UBOX5: variants seen among roughly 807,000 people sequenced by gnomAD.
The protein encoded by UBOX5 is RING finger protein 37.
A neutral mutation model predicts 39.0 loss-of-function variants in UBOX5; 28 were observed. The observed-to-expected ratio is 0.72, with a 90% CI of 0.53 to 0.98. UBOX5 has a LOEUF of 0.98. Ranked by LOEUF, UBOX5 falls within the 50% of genes least tolerant of loss-of-function variation. UBOX5 has a pLI of 0.00. For missense variants in UBOX5, 585 were observed against 674.4 expected (o/e 0.87, Z 1.47); for synonymous variants, 283 against 275.5 (o/e 1.03, Z -0.27).
intron 4 of UBOX5, among the ~76,000 whole-genome samples, chr20:3,113,100 G>A (rs925760565): frequency 1.4e-5 from 2 of 142,138 alleles, no homozygotes; most frequent in African/African-American, 2.7e-5. Context: ...ATGGCGAAAC[G>A]CTGTCTCTAC....
rs199738811 is a variant in UBOX5 at position 3,122,310 on chromosome 20, G to A, written c.329C>T (p.Pro110Leu). The change falls in exon 3 of 5, where the codon CCA (proline) becomes CTA (leucine). Residue 110 changes from proline to leucine, a missense_variant. Physicochemically the swap from Pro to Leu is moderately conservative, Grantham distance 98. Coordinates refer to ENST00000217173, the MANE Select transcript of UBOX5 (RefSeq NM_014948.4). ...RTLGPAEPSV[P>L]DKEAFTLVGK... is the part of the protein sequence containing the mutation. ...TACCAAGGTGAACGCCTCCTTGTCT[G>A]GGACAGATGGCTCAGCTGGGCCCAG... 46 of 1,614,202 alleles carry A rather than the reference G, an allele frequency of 2.8e-5. No homozygotes were observed. The highest frequency in any genetic ancestry group is 3.7e-5 in the Non-Finnish European group (44 of 1,180,042).
Position 3,149,043 on chromosome 20 carries a change from G to A in UBOX5, c.-42+10723C>T. ...CTGCAAAATGCTCGGTATCTTACAA[G>A]TTTTAATGACTTGAGAGTAGCTGCC... On this transcript the variant is annotated intron_variant, in intron 1 of 4. Transcript: ENST00000217173. This position sits in a 1 kb window ranked among gnomAD's most constrained non-coding sequence, Gnocchi z 4.1. 1 of 1,613,182 alleles carries A rather than the reference G, an allele frequency of 6.2e-7. No homozygotes were observed. Among genetic ancestry groups the A allele is most frequent in the Non-Finnish European group, 8.5e-7 (1 of 1,179,466 alleles).
rs773870668 is a variant in UBOX5 at position 3,122,186 on chromosome 20, G to A, written c.453C>T (p.Ser151=). The change falls in exon 3 of 5, where the codon TCC becomes TCT. Residue 151 remains serine, a synonymous_variant. Coordinates refer to ENST00000217173, the MANE Select transcript of UBOX5 (RefSeq NM_014948.4). ...PFGAMEATLP[S]PAVVAQELWN... ...AGAGCTCCTGGGCCACAACAGCAGGGGAGGGGAGTGTGGCTTCCATCGCGC... is the reference window on the plus strand; with the variant it reads ...AGAGCTCCTGGGCCACAACAGCAGGAGAGGGGAGTGTGGCTTCCATCGCGC... 2.5e-6 allele frequency: 4 copies of A among 1,614,128 alleles called. No homozygotes were observed. Among genetic ancestry groups the A allele is most frequent in the Admixed American group, 3.3e-5 (2 of 60,012 alleles).
At chr20:3,120,834 C>T (rs2066329612) in intron 3 of UBOX5, among the ~76,000 whole-genome samples, 1 of 152,142 alleles carries the variant, frequency 6.6e-6, no homozygotes, top group Non-Finnish European at 1.5e-5. Context: ...AGACCTAGTC[C>T]TTTTTCCTTT....
intron 1 of UBOX5, chr20:3,147,403 CT>C (rs1332480110): frequency 1.2e-6 from 2 of 1,614,210 alleles, no homozygotes; most frequent in Non-Finnish European, 1.7e-6. Context: ...AGAATTCAGG[CT>C]TTGAATTCAT....
At chr20:3,133,560 A>G (rs1006992270) in intron 1 of UBOX5, among the ~76,000 whole-genome samples, 1 of 145,054 alleles carries the variant, frequency 6.9e-6, no homozygotes, top group African/African-American at 2.6e-5. Context: ...AGTTTATAAG[A>G]AAAAAAAAAG....
Position 3,115,366 on chromosome 20 carries a change from T to C in UBOX5, c.1356A>G (p.Gly452=), listed in dbSNP as rs780523433. The part of the protein sequence containing the change: ...MPSFTARLTR[G]QLQHLGTRGS... ...CTCTTGTGCCAAGGTGCTGGAGCTG[T>C]CCCCTGGTCAGCCGTGCCGTGAAGG... The change falls in exon 4 of 5, where the codon GGA becomes GGG. Residue 452 remains glycine (G), a synonymous_variant. Coordinates refer to ENST00000217173, the MANE Select transcript of UBOX5 (RefSeq NM_014948.4). 4 of 1,614,104 alleles carry C rather than the reference T, an allele frequency of 2.5e-6. No homozygotes were observed. In the East Asian group the frequency reaches 8.9e-5, roughly 36 times the overall value.
chr20:3,115,867 G>T (rs1280630115), intron 3 of UBOX5, among the ~76,000 whole-genome samples: 2 of 149,874 alleles, frequency 1.3e-5, no homozygotes, highest in Non-Finnish European at 3.0e-5. Flanking sequence ...GGATTCAAGC[G>T]ATTCTCCTGT....
chr20:3,149,067 C>T lies in UBOX5; in HGVS notation c.-42+10699G>A, dbSNP rs115821648. 6.2e-7 allele frequency: 1 copy of T among 1,608,068 alleles called. No individual in the cohort carries two copies. The highest frequency in any genetic ancestry group is 8.5e-7 in the Non-Finnish European group (1 of 1,176,638). ...AGTTTTAATGACTTGAGAGTAGCTG[C>T]CATTCTGGTGTCAGTATTGATCTCT... On this transcript the variant is annotated intron_variant, in intron 1 of 4. Coordinates refer to ENST00000217173, the MANE Select transcript of UBOX5 (RefSeq NM_014948.4). This position sits in a 1 kb window ranked among gnomAD's most constrained non-coding sequence, Gnocchi z 4.1.
In UBOX5 at chr20:3,148,583, A is replaced by G. The variant is rs151099487; in HGVS notation, c.-42+11183T>C. ...GCTCAGCTTACACAAATAATCAACAATGACTTGAGCCTGGAGATTATTTTG... is the reference window on the plus strand; with the variant it reads ...GCTCAGCTTACACAAATAATCAACAGTGACTTGAGCCTGGAGATTATTTTG... On this transcript the variant is annotated intron_variant, in intron 1 of 4. Transcript: ENST00000217173. The G allele has an allele frequency of 1.3e-5, 21 of 1,613,998 alleles. No individual in the cohort carries two copies. In the African/African-American group the frequency reaches 2.5e-4, roughly 19 times the overall value.
chr20:3,123,535 A>C (rs2066354040), intron 1 of UBOX5, 129 bp from the exon 2 acceptor site: 6 of 633,636 alleles, frequency 9.5e-6, no homozygotes, highest in South Asian at 3.9e-5. Flanking sequence ...CACGGTCCAC[A>C]CTGACTTTCC....
chr20:3,128,867 T>A (rs2066409286), intron 1 of UBOX5, among the ~76,000 whole-genome samples: 1 of 152,046 alleles, frequency 6.6e-6, no homozygotes, highest in Non-Finnish European at 1.5e-5. Context: ...TCTCAAAAAA[T>A]AAAGTAAAAT....
chr20:3,154,783 A>G (rs1162117161), intron 1 of UBOX5, among the ~76,000 whole-genome samples: 2 of 152,196 alleles, frequency 1.3e-5, no homozygotes, highest in African/African-American at 4.8e-5. Context: ...TCTTGATATT[A>G]GCCTAACCAA....
chr20:3,114,089 G>A (rs773539955), intron 4 of UBOX5, among the ~76,000 whole-genome samples: 5 of 152,136 alleles, frequency 3.3e-5, no homozygotes, highest in Non-Finnish European at 5.9e-5. Flanking sequence ...AGCTGAAATC[G>A]CGCCATCGCA....
chr20:3,128,218 T>C (rs1009547016), intron 1 of UBOX5, among the ~76,000 whole-genome samples: 5 of 152,288 alleles, frequency 3.3e-5, no homozygotes, highest in Non-Finnish European at 2.9e-5. Flanking sequence ...AGAACTCATT[T>C]AGAGCAGCAT....
chr20:3,127,793 G>C (rs551465962), intron 1 of UBOX5, among the ~76,000 whole-genome samples: 85 of 152,166 alleles, frequency 5.6e-4, no homozygotes, highest in African/African-American at 1.8e-3. Flanking sequence ...GTGTGTTGGT[G>C]GGGGGAGGGT....
At chr20:3,133,556 T>G (rs1241651256) in intron 1 of UBOX5, among the ~76,000 whole-genome samples, 1 of 150,584 alleles carries the variant, frequency 6.6e-6, no homozygotes, top group Non-Finnish European at 1.5e-5. Context: ...ATACAGTTTA[T>G]AAGAAAAAAA....
At chr20:3,119,520 C>G (rs2066318292) in intron 3 of UBOX5, among the ~76,000 whole-genome samples, 1 of 152,138 alleles carries the variant, frequency 6.6e-6, no homozygotes, top group Non-Finnish European at 1.5e-5. Flanking sequence ...TAATTTGTTA[C>G]CTAGCAATAG....
chr20:3,123,264 C>T (rs2066352211), intron 2 of UBOX5, 48 bp downstream of exon 2: 1 of 1,573,026 alleles, frequency 6.4e-7, no homozygotes, highest in Admixed American at 1.7e-5. Flanking sequence ...TGATGAAACA[C>T]ATGACAAACA....
Sources: allele counts gnomAD v4.1 joint callset (sites outside exome capture counted in the v4.1 genomes callset), GRCh38; gene constraint gnomAD v4.1.1; non-coding constraint Gnocchi (gnomAD v3.1); transcripts MANE v1.5; gene names NCBI Gene and HGNC (gene_info 2026-07-23, HGNC 2026-07-21).